Variants in SLC14A2 observed in about 807,000 individuals in gnomAD.
The protein encoded by SLC14A2 is solute carrier family 14 member 2.
A neutral mutation model predicts 104.6 loss-of-function variants in SLC14A2; 91 were observed. The ratio of observed to expected loss-of-function variants is 0.87; its 90% confidence interval spans 0.73 to 1.04. The LOEUF (loss-of-function observed/expected upper bound fraction) is 1.04, where lower values mean the gene tolerates loss of function less well. Ranked by LOEUF, SLC14A2 falls within the 50% of genes least tolerant of loss-of-function variation. The pLI, the probability that SLC14A2 is intolerant of heterozygous loss-of-function variation, is 0.00. For synonymous variants in SLC14A2, 476 were observed against 466.4 expected (o/e 1.02, Z -0.27); for missense variants, 1,189 against 1,156.0 (o/e 1.03, Z -0.41).
At chr18:45,484,836 A>G (rs2270436) in intron 2 of SLC14A2, among the ~76,000 whole-genome samples, 11,442 of 152,014 alleles carry the variant, frequency 0.075, 557 homozygotes, top group East Asian at 0.21. Flanking sequence ...TATACCTCTT[A>G]GGGTTGTAAA....
chr18:45,377,152 G>A (rs990559351), intron 1 of SLC14A2, among the ~76,000 whole-genome samples: 34 of 151,976 alleles, frequency 2.2e-4, no homozygotes, highest in African/African-American at 8.0e-4. Flanking sequence ...TCTCATTCCT[G>A]GTCCTGTGTG....
chr18:45,604,001 G>A (rs151172877), intron 2 of SLC14A2, among the ~76,000 whole-genome samples: 5 of 152,300 alleles, frequency 3.3e-5, no homozygotes, highest in East Asian at 1.9e-4. Flanking sequence ...GCTCACTTTC[G>A]TTGGATTCAA....
At chr18:45,256,664 T>A (rs979080669) in intron 1 of SLC14A2, among the ~76,000 whole-genome samples, 1 of 152,258 alleles carries the variant, frequency 6.6e-6, no homozygotes, top group Non-Finnish European at 1.5e-5. Flanking sequence ...GATAGAACTA[T>A]CATTAAGACA....
In SLC14A2 at chr18:45,421,527, C is replaced by T. The variant is rs151245818; in HGVS notation, c.-124-61706C>T. Among the ~76,000 whole-genome samples the T allele has an allele frequency of 9.9e-3, 1,508 of 152,216 alleles. 16 individuals carry two copies. The highest frequency in any genetic ancestry group is 0.024 in the African/African-American group (998 of 41,542). On this transcript the variant is annotated intron_variant, in intron 1 of 20. Coordinates refer to the SLC14A2 transcript ENST00000586448. ...TCATCAGAACATCTTGAAGATAGAA[C>T]GAGCAGCATCAGCTATGTGGCCATG...
At chr18:45,275,359 A>T (rs1417048612) in intron 1 of SLC14A2, among the ~76,000 whole-genome samples, 1 of 152,228 alleles carries the variant, frequency 6.6e-6, no homozygotes, top group African/African-American at 2.4e-5. Context: ...AAGAAAATAT[A>T]TAAGATAAAC....
chr18:45,461,164 C>A (rs1442974733), intron 1 of SLC14A2, among the ~76,000 whole-genome samples: 1 of 152,184 alleles, frequency 6.6e-6, no homozygotes, highest in Non-Finnish European at 1.5e-5. Context: ...CCTTCAGTTT[C>A]TTACTTTTCC....
chr18:45,260,970 G>A (rs973101342), intron 1 of SLC14A2, among the ~76,000 whole-genome samples: 3 of 151,862 alleles, frequency 2.0e-5, no homozygotes, highest in African/African-American at 7.3e-5. Context: ...AAACCTGCAC[G>A]TGTACCCTCT....
chr18:45,377,107 GA>G (rs2085783481), intron 1 of SLC14A2, among the ~76,000 whole-genome samples: 3 of 152,124 alleles, frequency 2.0e-5, no homozygotes, highest in Admixed American at 2.0e-4. Context: ...TAAAGGTGAT[GA>G]AAACATCTGC....
chr18:45,281,567 ACT>A (rs1301975335), intron 1 of SLC14A2, among the ~76,000 whole-genome samples: 2 of 151,902 alleles, frequency 1.3e-5, no homozygotes, highest in Non-Finnish European at 2.9e-5. Context: ...TCATTTTCTG[ACT>A]CTGTCAGTTG....
At chr18:45,545,661 C>T (rs2043958511) in intron 2 of SLC14A2, among the ~76,000 whole-genome samples, 1 of 152,158 alleles carries the variant, frequency 6.6e-6, no homozygotes, top group Admixed American at 6.5e-5. Context: ...AACAGTAGAT[C>T]ATGCTACACT....
chr18:45,234,843 T>C (rs1048952113), intron 1 of SLC14A2, among the ~76,000 whole-genome samples: 6 of 149,662 alleles, frequency 4.0e-5, no homozygotes, highest in South Asian at 4.2e-4. Context: ...TTTAGCGCCT[T>C]TTTTTTTCTT....
At chr18:45,456,362 G>A (rs909387356) in intron 1 of SLC14A2, among the ~76,000 whole-genome samples, 15 of 152,168 alleles carry the variant, frequency 9.9e-5, no homozygotes, top group Admixed American at 8.5e-4. Context: ...GTGCCCCCAG[G>A]GGATGCTGTT....
At chr18:45,334,494 ATAAG>A (rs1436447153) in intron 1 of SLC14A2, among the ~76,000 whole-genome samples, 1 of 152,194 alleles carries the variant, frequency 6.6e-6, no homozygotes, top group African/African-American at 2.4e-5. Flanking sequence ...CACCTGAAGA[ATAAG>A]AAAGAAAGTT....
chr18:45,323,753 G>A (rs1231571500), intron 1 of SLC14A2, among the ~76,000 whole-genome samples: 1 of 152,196 alleles, frequency 6.6e-6, no homozygotes, highest in African/African-American at 2.4e-5. Flanking sequence ...TCCTATCTCA[G>A]TGGACTTGTT....
At chr18:45,414,910 G>A (rs757684890) in intron 1 of SLC14A2, among the ~76,000 whole-genome samples, 35 of 150,900 alleles carry the variant, frequency 2.3e-4, no homozygotes, top group Non-Finnish European at 3.7e-4. Flanking sequence ...TAAGTGCCCA[G>A]TGTGTTAATT....
chr18:45,335,051 A>C (rs1267365691), intron 1 of SLC14A2, among the ~76,000 whole-genome samples: 1 of 152,218 alleles, frequency 6.6e-6, no homozygotes, highest in African/African-American at 2.4e-5. Flanking sequence ...AATATAAAAT[A>C]AATTGCACTT....
chr18:45,510,083 T>C (rs980881719), intron 2 of SLC14A2, among the ~76,000 whole-genome samples: 1 of 152,344 alleles, frequency 6.6e-6, no homozygotes, highest in Non-Finnish European at 1.5e-5. Flanking sequence ...GTTTCTTCTT[T>C]GATGGACAAC....
chr18:45,381,701 G>T (rs577149282), intron 1 of SLC14A2, among the ~76,000 whole-genome samples: 2 of 151,984 alleles, frequency 1.3e-5, no homozygotes, highest in Admixed American at 1.3e-4. Context: ...ACACTTTTTT[G>T]TTGTACCAAA....
At chr18:45,461,747 C>T (rs534450052) in intron 1 of SLC14A2, among the ~76,000 whole-genome samples, 11 of 152,290 alleles carry the variant, frequency 7.2e-5, no homozygotes, top group Admixed American at 1.3e-4. Context: ...AAAATTGCAT[C>T]GTTTGAGCAT....
Sources: gnomAD v4.1 joint callset for allele counts (sites outside exome capture counted in the v4.1 genomes callset) on GRCh38, gnomAD v4.1.1 for gene constraint, MANE v1.5 for transcripts, NCBI Gene and HGNC (gene_info 2026-07-23, HGNC 2026-07-21) for gene names.